The following PHACTR1 variants were observed in gnomAD, a reference collection of about 807,000 sequenced individuals.
The protein encoded by PHACTR1 is RPEL repeat containing 1.
In PHACTR1, 16 loss-of-function variants were observed where a neutral mutation model predicts 69.2. The ratio of observed to expected loss-of-function variants is 0.23; its 90% CI spans 0.16 to 0.35. The LOEUF (loss-of-function observed/expected upper bound fraction) is 0.35. PHACTR1 is among the 10% of genes least tolerant of loss of function. PHACTR1 has a pLI of 1.00. For missense variants in PHACTR1, 510 were observed against 734.7 expected (o/e 0.69, Z 3.54); for synonymous variants, 312 against 284.5 (o/e 1.10, Z -0.97).
At chr6:12,947,061 T>C (rs1790756097) in intron 4 of PHACTR1, among the ~76,000 whole-genome samples, 1 of 152,052 alleles carries the variant, frequency 6.6e-6, no homozygotes, top group South Asian at 2.1e-4. Flanking sequence ...TCCACCCGCC[T>C]CGGCCTCCGA....
intron 5 of PHACTR1, among the ~76,000 whole-genome samples, chr6:13,064,604 ATCTATATATCTATCTATC>A (rs1561776466): frequency 8.0e-4 from 6 of 7,506 alleles, no homozygotes; most frequent in Non-Finnish European, 1.1e-3. Context: ...ATATATATAT[ATCTATATATCTATCTATC>A]CACACTTGCC....
chr6:12,941,373 A>G (rs555834973), intron 4 of PHACTR1, among the ~76,000 whole-genome samples: 4 of 152,034 alleles, frequency 2.6e-5, no homozygotes, highest in African/African-American at 9.7e-5. Context: ...TTGTTATGGC[A>G]TAAATCACCT....
At chr6:13,052,308 A>G (rs2127734548) in intron 4 of PHACTR1, among the ~76,000 whole-genome samples, 1 of 152,380 alleles carries the variant, frequency 6.6e-6, no homozygotes, top group Non-Finnish European at 1.5e-5. Context: ...CAAGCTGACT[A>G]TCATTTTTAT....
At chr6:12,827,952 A>C (rs1000708406) in intron 4 of PHACTR1, among the ~76,000 whole-genome samples, 3 of 152,158 alleles carry the variant, frequency 2.0e-5, no homozygotes, top group African/African-American at 7.2e-5. Context: ...TTTGATACTC[A>C]TTAGTCACTT....
At chr6:12,777,405 C>T (rs1417048234) in intron 4 of PHACTR1, among the ~76,000 whole-genome samples, 1 of 151,786 alleles carries the variant, frequency 6.6e-6, no homozygotes, top group Middle Eastern at 3.2e-3. Flanking sequence ...TCAACCTCAG[C>T]TCTCAAGTAG....
chr6:13,206,523 T>C (rs569720136), intron 8 of PHACTR1, among the ~76,000 whole-genome samples: 4 of 152,378 alleles, frequency 2.6e-5, no homozygotes, highest in African/African-American at 9.6e-5. Context: ...AGCATATTTC[T>C]GGTCACAAAA....
chr6:12,777,021 G>A (rs1298177002), intron 4 of PHACTR1, among the ~76,000 whole-genome samples: 2 of 152,080 alleles, frequency 1.3e-5, no homozygotes, highest in East Asian at 1.9e-4. Context: ...TCATGTTCAA[G>A]GTTAGAAATT....
chr6:13,075,628 T>C (rs1423274643), intron 5 of PHACTR1, among the ~76,000 whole-genome samples: 1 of 152,194 alleles, frequency 6.6e-6, no homozygotes, highest in Non-Finnish European at 1.5e-5. Flanking sequence ...AGGCCACAGG[T>C]GCCCCTTGCG....
At chr6:12,822,937 A>T (rs1405528555) in intron 4 of PHACTR1, among the ~76,000 whole-genome samples, 1 of 152,190 alleles carries the variant, frequency 6.6e-6, no homozygotes, top group African/African-American at 2.4e-5. Context: ...TCCTTTAACA[A>T]TAACATCTGG....
At chr6:13,142,825 T>A (rs928022503) in intron 5 of PHACTR1, among the ~76,000 whole-genome samples, 99 of 147,154 alleles carry the variant, frequency 6.7e-4, no homozygotes, top group Non-Finnish European at 3.2e-4. Flanking sequence ...ATACTAAAAT[T>A]GAGAAGTGTG....
chr6:12,945,316 C>A (rs181738756), intron 4 of PHACTR1, among the ~76,000 whole-genome samples: 1 of 152,308 alleles, frequency 6.6e-6, no homozygotes, highest in Non-Finnish European at 1.5e-5. Flanking sequence ...CCTATGATAG[C>A]TCTTACTGCA....
At chr6:13,114,485 A>G (rs1817525035) in intron 5 of PHACTR1, among the ~76,000 whole-genome samples, 1 of 152,220 alleles carries the variant, frequency 6.6e-6, no homozygotes. Context: ...TGAGAGCTTC[A>G]ACATAGCATA....
At chr6:13,057,615 G>T (rs548569094) in intron 5 of PHACTR1, among the ~76,000 whole-genome samples, 1 of 152,102 alleles carries the variant, frequency 6.6e-6, no homozygotes, top group Non-Finnish European at 1.5e-5. Flanking sequence ...ATTTCTGGGT[G>T]TACCTTTATA....
chr6:13,058,326 G>C (rs968212813), intron 5 of PHACTR1, among the ~76,000 whole-genome samples: 7 of 152,202 alleles, frequency 4.6e-5, no homozygotes, highest in African/African-American at 1.7e-4. Context: ...CCTCTTGACA[G>C]AAAATCATAA....
chr6:13,158,039 G>A (rs969331063), intron 5 of PHACTR1, among the ~76,000 whole-genome samples: 5 of 152,102 alleles, frequency 3.3e-5, no homozygotes, highest in African/African-American at 7.2e-5. Flanking sequence ...GCGCCACCAC[G>A]CCCAACTAAT....
chr6:12,822,741 A>T (rs7768030), intron 4 of PHACTR1, among the ~76,000 whole-genome samples: 1 of 152,060 alleles, frequency 6.6e-6, no homozygotes, highest in African/African-American at 2.4e-5. Flanking sequence ...TTCTAGCCAG[A>T]AGCAGCCCAA....
At chr6:12,818,744 A>G (rs1020332125) in intron 4 of PHACTR1, among the ~76,000 whole-genome samples, 2 of 152,248 alleles carry the variant, frequency 1.3e-5, no homozygotes, top group South Asian at 4.1e-4. Flanking sequence ...ATACAGAGTC[A>G]TCATCTGCAT....
chr6:12,987,511 C>A (rs1345281043), intron 4 of PHACTR1, among the ~76,000 whole-genome samples: 2 of 152,070 alleles, frequency 1.3e-5, no homozygotes, highest in Non-Finnish European at 2.9e-5. Context: ...ATAATGAGAG[C>A]TGGGGATGCA....
intron 4 of PHACTR1, among the ~76,000 whole-genome samples, chr6:12,758,933 G>A (rs1767694914): frequency 6.6e-6 from 1 of 151,850 alleles, no homozygotes; most frequent in Non-Finnish European, 1.5e-5. Flanking sequence ...GACCAGCCTA[G>A]CCAACATGGT....
Sources: gnomAD v4.1 joint callset for allele counts (sites outside exome capture counted in the v4.1 genomes callset) on GRCh38, gnomAD v4.1.1 for gene constraint, MANE v1.5 for transcripts, NCBI Gene and HGNC (gene_info 2026-07-23, HGNC 2026-07-21) for gene names.